The following NLGN1 variants were observed in gnomAD, a reference collection of about 807,000 sequenced individuals.
NLGN1 encodes the protein neuroligin-1.
NLGN1 carries 12 observed loss-of-function variants against 65.5 expected under a neutral mutation model. That is an observed-to-expected ratio of 0.18 (90% CI 0.12 to 0.30). The LOEUF is 0.30. NLGN1 is among the 10% of genes least tolerant of loss of function. The probability of loss-of-function intolerance (pLI) is 1.00; values close to 1 mark genes in which losing one functional copy is unlikely to be tolerated. For synonymous variants in NLGN1, 350 were observed against 359.5 expected (o/e 0.97, Z 0.30); for missense variants, 750 against 1,007.1 (o/e 0.74, Z 3.46).
intron 4 of NLGN1, among the ~76,000 whole-genome samples, chr3:173,942,749 A>G (rs1007896967): frequency 2.0e-5 from 3 of 152,192 alleles, no homozygotes; most frequent in Admixed American, 2.0e-4. Flanking sequence ...ATTACCTTCC[A>G]TGACTGACTA....
intron 3 of NLGN1, among the ~76,000 whole-genome samples, chr3:173,627,270 T>G (rs1754969408): frequency 6.6e-6 from 1 of 152,178 alleles, no homozygotes; most frequent in South Asian, 2.1e-4. Context: ...ATTTGACTTT[T>G]TAAGATTCCA....
At chr3:174,157,415 CTATT>C (rs1185633348) in intron 4 of NLGN1, among the ~76,000 whole-genome samples, 1 of 151,556 alleles carries the variant, frequency 6.6e-6, no homozygotes, top group African/African-American at 2.4e-5. Flanking sequence ...TTATAAGTCA[CTATT>C]AAATATGATT....
At chr3:173,962,357 T>G (rs574409225) in intron 4 of NLGN1, among the ~76,000 whole-genome samples, 1 of 152,204 alleles carries the variant, frequency 6.6e-6, no homozygotes, top group South Asian at 2.1e-4. Flanking sequence ...GAAGCCCCAT[T>G]AAGAGGGAAT....
intron 3 of NLGN1, among the ~76,000 whole-genome samples, chr3:173,611,054 C>T (rs1250193237): frequency 2.6e-5 from 4 of 151,806 alleles, no homozygotes; most frequent in African/African-American, 7.3e-5. Flanking sequence ...AAGGAAGGAA[C>T]GTGGGTAGAA....
intron 3 of NLGN1, among the ~76,000 whole-genome samples, chr3:173,609,109 A>G (rs1751858252): frequency 6.6e-6 from 1 of 151,966 alleles, no homozygotes; most frequent in South Asian, 2.1e-4. Context: ...TAGACAGTAA[A>G]CATGAGAAGG....
chr3:173,439,739 A>G (rs1560254307), intron 2 of NLGN1, among the ~76,000 whole-genome samples: 2 of 152,192 alleles, frequency 1.3e-5, no homozygotes, highest in African/African-American at 4.8e-5. Context: ...ACGTATCTTA[A>G]TTTAAAAATA....
chr3:173,869,495 A>G (rs1473569985), intron 4 of NLGN1, among the ~76,000 whole-genome samples: 1 of 152,152 alleles, frequency 6.6e-6, no homozygotes, highest in Non-Finnish European at 1.5e-5. Context: ...GTAGTCTTTC[A>G]TTTTAAGAAA....
intron 4 of NLGN1, among the ~76,000 whole-genome samples, chr3:173,882,232 T>C (rs959260333): frequency 6.6e-6 from 1 of 152,224 alleles, no homozygotes; most frequent in Non-Finnish European, 1.5e-5. Flanking sequence ...GTTCCATTTT[T>C]TGAGCACAGG....
At chr3:173,458,589 C>G (rs1722875771) in intron 2 of NLGN1, among the ~76,000 whole-genome samples, 2 of 152,122 alleles carry the variant, frequency 1.3e-5, no homozygotes, top group South Asian at 4.1e-4. Flanking sequence ...CTCCCATCGT[C>G]AATGGCTCCT....
chr3:173,446,814 G>A (rs545693531), intron 2 of NLGN1, among the ~76,000 whole-genome samples: 1 of 152,228 alleles, frequency 6.6e-6, no homozygotes, highest in Non-Finnish European at 1.5e-5. Flanking sequence ...CTGATGGCCA[G>A]CGAGGATGAA....
At chr3:173,627,376 C>T (rs752375082) in intron 3 of NLGN1, among the ~76,000 whole-genome samples, 3 of 151,974 alleles carry the variant, frequency 2.0e-5, no homozygotes, top group Non-Finnish European at 4.4e-5. Context: ...TTGGAAATGA[C>T]GGAATTTCCT....
chr3:174,177,028 T>C (rs575220293), intron 4 of NLGN1, among the ~76,000 whole-genome samples: 13 of 151,748 alleles, frequency 8.6e-5, no homozygotes, highest in Admixed American at 8.6e-4. Context: ...AATTGAACAT[T>C]TAATTTTAAA....
At chr3:173,726,375 A>G (rs915854464) in intron 3 of NLGN1, among the ~76,000 whole-genome samples, 4 of 151,928 alleles carry the variant, frequency 2.6e-5, no homozygotes, top group African/African-American at 9.7e-5. Context: ...TAATTAATCT[A>G]TCATTACCTC....
intron 3 of NLGN1, among the ~76,000 whole-genome samples, chr3:173,715,327 T>C (rs1278050277): frequency 6.6e-6 from 1 of 152,200 alleles, no homozygotes; most frequent in Non-Finnish European, 1.5e-5. Flanking sequence ...TCTACAATTA[T>C]CATGTGGAAT....
At chr3:173,645,550 G>T (rs1758112701) in intron 3 of NLGN1, among the ~76,000 whole-genome samples, 1 of 152,192 alleles carries the variant, frequency 6.6e-6, no homozygotes, top group Non-Finnish European at 1.5e-5. Flanking sequence ...GAGAATGAAT[G>T]ATGCCCTTCA....
At chr3:173,892,476 C>T (rs865974458) in intron 4 of NLGN1, among the ~76,000 whole-genome samples, 1 of 151,276 alleles carries the variant, frequency 6.6e-6, no homozygotes, top group South Asian at 2.1e-4. Context: ...TCAGTAGCCC[C>T]AGTTTACAGA....
chr3:173,564,582 A>T (rs1282800567), intron 2 of NLGN1, among the ~76,000 whole-genome samples: 1 of 152,144 alleles, frequency 6.6e-6, no homozygotes, highest in Non-Finnish European at 1.5e-5. Flanking sequence ...AGAATCTTCC[A>T]TACTCTTTTC....
intron 4 of NLGN1, among the ~76,000 whole-genome samples, chr3:174,117,918 A>G (rs996314066): frequency 2.0e-5 from 3 of 152,196 alleles, no homozygotes; most frequent in Non-Finnish European, 4.4e-5. Flanking sequence ...CGAATACTCT[A>G]TTTCAGGATC....
At chr3:173,835,727 C>T (rs1013326248) in intron 4 of NLGN1, among the ~76,000 whole-genome samples, 2 of 151,690 alleles carry the variant, frequency 1.3e-5, no homozygotes, top group Non-Finnish European at 2.9e-5. Context: ...GAATTGCAAT[C>T]AAAGAATATA....
Sources: gnomAD v4.1 joint callset for allele counts (sites outside exome capture counted in the v4.1 genomes callset) on GRCh38, gnomAD v4.1.1 for gene constraint, MANE v1.5 for transcripts, NCBI Gene and HGNC (gene_info 2026-07-23, HGNC 2026-07-21) for gene names.